The following SH2D4B variants were observed in gnomAD, a reference collection of about 807,000 sequenced individuals.
SH2D4B encodes the protein SH2 domain-containing protein 4B.
Under a neutral mutation model 61.5 loss-of-function variants are expected in SH2D4B, and 45 were observed. The ratio of observed to expected loss-of-function variants is 0.73; its 90% CI spans 0.58 to 0.94. The LOEUF (loss-of-function observed/expected upper bound fraction) is 0.94, where lower values mean the gene tolerates loss of function less well. Among genes scored for constraint, SH2D4B ranks in the 40% least tolerant of loss-of-function variants. The pLI is 0.00. For synonymous variants in SH2D4B, 224 were observed against 220.4 expected, an observed-to-expected ratio of 1.02 and a Z score of -0.14; for missense variants, 572 against 574.2, an observed-to-expected ratio of 1.00 and a Z score of 0.04.
chr10:80,636,208 T>C (rs1475414094), intron 7 of SH2D4B, among the ~76,000 whole-genome samples: 1 of 152,232 alleles, frequency 6.6e-6, no homozygotes, highest in Non-Finnish European at 1.5e-5. Context: ...TGATGGACAT[T>C]CTGGTTGGTT....
chr10:80,603,452 G>A (rs1472192432), intron 4 of SH2D4B, 127 bp from the exon 5 acceptor site: 2 of 842,966 alleles, frequency 2.4e-6, no homozygotes, highest in Non-Finnish European at 1.8e-6. Context: ...TGGTGCAAAA[G>A]TCATCGCGAT....
chr10:80,629,770 G>GT (rs1842809662), intron 6 of SH2D4B, among the ~76,000 whole-genome samples: 1 of 152,144 alleles, frequency 6.6e-6, no homozygotes, highest in Non-Finnish European at 1.5e-5. Flanking sequence ...TCAAACAGCC[G>GT]TAAGACATAG....
In SH2D4B at chr10:80,645,405, A is replaced by G. The variant is rs1434258027; in HGVS notation, c.*1320A>G. The stretch of plus-strand genomic sequence containing the variant: ...GCATAAGCCAATGGTAGCTTGCCAC[A>G]TGCCCCATCTCCCATTGCTGCAGAG... On this transcript the variant is annotated 3_prime_UTR_variant, in exon 8 of 8. Coordinates refer to ENST00000646907, the MANE Select transcript of SH2D4B (RefSeq NM_001388272.1). 1 of 152,220 alleles carries G rather than the reference A, an allele frequency of 6.6e-6. No individual in the cohort carries two copies. Among genetic ancestry groups the G allele is most frequent in the South Asian group, 2.1e-4 (1 of 4,834 alleles). The allele number at this position is 152,220 out of a possible 1,614,324, so 9.4% of individuals were successfully genotyped here. A position where few individuals can be genotyped will look rare whatever the true frequency, so the allele number is the denominator to read the frequency against.
intron 1 of SH2D4B, among the ~76,000 whole-genome samples, chr10:80,544,296 C>T (rs151154309): frequency 0.012 from 1,821 of 152,232 alleles, 31 homozygotes; most frequent in African/African-American, 0.039. Context: ...CCTGAGCCAG[C>T]GAGACCACGA....
At chr10:80,612,367 G>C (rs1842613038) in intron 6 of SH2D4B, among the ~76,000 whole-genome samples, 2 of 152,022 alleles carry the variant, frequency 1.3e-5, no homozygotes, top group South Asian at 4.1e-4. Context: ...TTTGCTGCAG[G>C]TTGGCAGGGG....
rs1840381029 is a variant in SH2D4B, at chr10:80,645,347, C to G, written c.*1262C>G. 6.6e-6 allele frequency: 1 copy of G among 152,236 alleles called. No homozygotes were observed. The highest frequency in any genetic ancestry group is 6.5e-5 in the Admixed American group (1 of 15,270). The allele number at this position is 152,236 out of a possible 1,614,324, so 9.4% of individuals were successfully genotyped here. ...TATAACCAGTTTTGCGTGGGTTCTG[C>G]TCTTCCTCCCTATGTTGATCAGTGT... On this transcript the variant is annotated 3_prime_UTR_variant, in exon 8 of 8. Coordinates refer to ENST00000646907, the MANE Select transcript of SH2D4B (RefSeq NM_001388272.1).
intron 6 of SH2D4B, among the ~76,000 whole-genome samples, chr10:80,633,952 A>G (rs1842863431): frequency 6.6e-6 from 1 of 152,248 alleles, no homozygotes; most frequent in African/African-American, 2.4e-5. Context: ...TATAATCAAT[A>G]ATGCTATAAT....
At chr10:80,541,285 C>T (rs1841575101) in intron 1 of SH2D4B, among the ~76,000 whole-genome samples, 1 of 152,192 alleles carries the variant, frequency 6.6e-6, no homozygotes, top group Non-Finnish European at 1.5e-5. Context: ...TGTTTTTACT[C>T]TCTTCCTTTG....
At chr10:80,553,046 G>T (rs1841783497) in intron 1 of SH2D4B, among the ~76,000 whole-genome samples, 1 of 152,198 alleles carries the variant, frequency 6.6e-6, no homozygotes, top group Non-Finnish European at 1.5e-5. Flanking sequence ...CTCCCGAGTA[G>T]CTGGGATTAC....
In SH2D4B at chr10:80,566,090, C is replaced by CAAAAAAAAAAAA. The variant is rs60774703; in HGVS notation, c.185-4047_185-4036dup. Among the ~76,000 whole-genome samples the CAAAAAAAAAAAA allele has an allele frequency of 1.0e-3, 25 of 23,818 alleles. 4 individuals carry two copies. Among genetic ancestry groups the CAAAAAAAAAAAA allele is most frequent in the African/African-American group, 4.1e-3 (24 of 5,850 alleles). 15.6% of individuals were successfully genotyped at this position (23,818 alleles called of 152,430 possible). ...TGGGTGACAGAGCGAGACTCCGGCT[C>CAAAAAAAAAAAA]AAAAAAAAAAAAAAAAAAAAAAAAA... On this transcript the variant is annotated intron_variant, in intron 1 of 7. Coordinates refer to ENST00000646907, the MANE Select transcript of SH2D4B (RefSeq NM_001388272.1).
chr10:80,596,574 T>C (rs1842387664), intron 4 of SH2D4B, among the ~76,000 whole-genome samples: 1 of 152,184 alleles, frequency 6.6e-6, no homozygotes. Context: ...ATGTCTTTGG[T>C]CATTGGCCTC....
chr10:80,593,988 A>ATT (rs541315982), intron 4 of SH2D4B, among the ~76,000 whole-genome samples: 2 of 151,898 alleles, frequency 1.3e-5, no homozygotes, highest in South Asian at 2.1e-4. Flanking sequence ...TTATATATAT[A>ATT]TATTTTTAGC....
At chr10:80,608,017 C>G (rs1407974293) in intron 5 of SH2D4B, among the ~76,000 whole-genome samples, 1 of 152,222 alleles carries the variant, frequency 6.6e-6, no homozygotes, top group Non-Finnish European at 1.5e-5. Context: ...CCGCCTCAGC[C>G]TCTTGAGTAG....
At chr10:80,625,723 C>A (rs1053660061) in intron 6 of SH2D4B, among the ~76,000 whole-genome samples, 1 of 151,898 alleles carries the variant, frequency 6.6e-6, no homozygotes, top group Non-Finnish European at 1.5e-5. Flanking sequence ...CAGGCCTGCA[C>A]ACCATGCCTG....
At chr10:80,641,229 C>T (rs1840301197) in intron 7 of SH2D4B, among the ~76,000 whole-genome samples, 1 of 152,208 alleles carries the variant, frequency 6.6e-6, no homozygotes, top group East Asian at 1.9e-4. Context: ...GAGGTGTCTT[C>T]CAGTTAGGCT....
chr10:80,615,529 C>T (rs906362759), intron 6 of SH2D4B, among the ~76,000 whole-genome samples: 4 of 152,232 alleles, frequency 2.6e-5, no homozygotes, highest in African/African-American at 9.6e-5. Context: ...TCTCACCCCT[C>T]CTCATTCCTG....
chr10:80,611,673 G>A (rs912717727), intron 6 of SH2D4B, among the ~76,000 whole-genome samples: 7 of 152,358 alleles, frequency 4.6e-5, no homozygotes, highest in African/African-American at 1.7e-4. Context: ...CTCAGGAGTG[G>A]CACGTGGGTG....
At position 80,646,352 on chromosome 10, in the gene SH2D4B, A is replaced by G. The variant is rs1840395374; in HGVS notation, c.*2267A>G. ...ACCCCTAATTAATATGTGAGAGACA[A>G]CAGCTGGGTTTTCCATCCCTAACAC... is the stretch of plus-strand genomic sequence containing the variant. On this transcript the variant is annotated 3_prime_UTR_variant, in exon 8 of 8. Transcript: ENST00000646907. The G allele has an allele frequency of 6.6e-6, 1 of 152,596 alleles. No homozygotes were observed. 9.5% of individuals were successfully genotyped at this position (152,596 alleles called of 1,614,324 possible).
intron 6 of SH2D4B, 38 bp from the exon 7 acceptor site, chr10:80,634,247 C>T: frequency 1.6e-5 from 23 of 1,480,818 alleles, no homozygotes; most frequent in Middle Eastern, 1.8e-4. Context: ...AGTCGCAGAA[C>T]CTGCTGTGTT....
Sources: allele counts gnomAD v4.1 joint callset (sites outside exome capture counted in the v4.1 genomes callset), GRCh38; gene constraint gnomAD v4.1.1; transcripts MANE v1.5; gene names NCBI Gene and HGNC (gene_info 2026-07-23, HGNC 2026-07-21).